SHANK1: variants seen among roughly 807,000 people sequenced by gnomAD.
SHANK1 encodes SH3 and multiple ankyrin repeat domains protein 1.
A neutral mutation model predicts 165.6 loss-of-function variants in SHANK1; 35 were observed. The observed-to-expected ratio is 0.21, with a 90% CI of 0.16 to 0.28. The LOEUF (loss-of-function observed/expected upper bound fraction) is 0.28. Ranked by LOEUF, SHANK1 falls within the 10% of genes least tolerant of loss-of-function variation. SHANK1 has a pLI of 1.00. For missense variants in SHANK1, 2,681 were observed against 3,036.4 expected, an observed-to-expected ratio of 0.88 and a Z score of 2.75; for synonymous variants, 1,428 against 1,384.8, an observed-to-expected ratio of 1.03 and a Z score of -0.69.
At chr19:50,719,102 G>A (rs2089103498) in intron 1 of SHANK1, among the ~76,000 whole-genome samples, 1 of 149,296 alleles carries the variant, frequency 6.7e-6, no homozygotes, top group African/African-American at 2.5e-5. Context: ...GGGGAGGCGG[G>A]TACCAGGACC....
At position 50,662,019 on chromosome 19, in the gene SHANK1, C is replaced by G. The variant is rs561667425; in HGVS notation, c.6432G>C (p.Arg2144Ser). Reference sequence around the variant, plus strand: ...GGTCGATGTTCATGCGGTGGCCCACCCTGGTCACACCTAGATCGACGTAGT... The same window carrying G: ...GGTCGATGTTCATGCGGTGGCCCACGCTGGTCACACCTAGATCGACGTAGT... ...KEDYVDLGVT[R>S]VGHRMNIDRA... Residue 2144 changes from arginine to serine, a missense_variant, in exon 24 of 24, where the codon AGG becomes AGC. Arg to Ser is a moderately radical substitution (Grantham distance 110). Transcript: ENST00000293441. This position sits in a 1 kb window ranked among gnomAD's most constrained non-coding sequence, Gnocchi z 7.7. 1 of 1,614,200 alleles carries G rather than the reference C, an allele frequency of 6.2e-7. No individual in the cohort carries two copies. The highest frequency in any genetic ancestry group is 1.7e-5 in the Admixed American group (1 of 60,024).
chr19:50,711,798 C>T, intron 7 of SHANK1, 149 bp downstream of exon 7: 1 of 957,548 alleles, frequency 1.0e-6, no homozygotes, highest in Non-Finnish European at 1.6e-6. Flanking sequence ...TTTCTGCCTT[C>T]ACCCCCACCA....
rs1361211171 is a variant in SHANK1 at position 50,709,929 on chromosome 19, G to A, written c.1077+1442C>T. On this transcript the variant is annotated intron_variant, in intron 8 of 23. Transcript: ENST00000293441. ...CTCGACTGGACCCTGACTGACACTGGTGATGGTAACAATGACAATTATTAT... is the reference window on the plus strand; with the variant it reads ...CTCGACTGGACCCTGACTGACACTGATGATGGTAACAATGACAATTATTAT... Among the ~76,000 whole-genome samples, 3 of 152,228 alleles carry A rather than the reference G, an allele frequency of 2.0e-5. No homozygotes were observed. In the East Asian group the frequency reaches 5.8e-4, roughly 29 times the overall value.
Position 50,667,583 on chromosome 19 carries a change from C to T in SHANK1, c.4377G>A (p.Leu1459=). The stretch of plus-strand genomic sequence containing the variant: ...CCGGGGGCTCCGTCCCCAGCTGCAG[C>T]AGGAGGGGCCCCACCCCGGGAGCGG... ...PPTAPGVGPL[L]LQLGTEPPAP... The change falls in exon 23 of 24, where the codon CTG becomes CTA. Residue 1459 remains leucine, a synonymous_variant. Coordinates refer to ENST00000293441, the MANE Select transcript of SHANK1 (RefSeq NM_016148.5). This position sits in a 1 kb window ranked among gnomAD's most constrained non-coding sequence, Gnocchi z 5.7. 3 of 1,439,434 alleles carry T rather than the reference C, an allele frequency of 2.1e-6. No homozygotes were observed. The highest frequency in any genetic ancestry group is 2.7e-6 in the Non-Finnish European group (3 of 1,107,890). The allele number at this position is 1,439,434 out of a possible 1,614,324, so 89.2% of individuals were successfully genotyped here. A position where few individuals can be genotyped will look rare whatever the true frequency, so the allele number is the denominator to read the frequency against.
Position 50,667,047 on chromosome 19 carries a change from G to A in SHANK1, c.4913C>T (p.Ala1638Val). Reference protein sequence around the residue: ...DSEVATLTQGASAAPGDPHPP... With the variant: ...DSEVATLTQGVSAAPGDPHPP... ...ATGGGGGTCCCCAGGAGCGGCGGAG[G>A]CCCCCTGGGTCAGGGTGGCCACCTC... Residue 1638 changes from alanine (A) to valine (V), a missense_variant, in exon 23 of 24, where the codon GCC becomes GTC. Physicochemically the swap from Ala to Val is moderately conservative, Grantham distance 64 (BLOSUM62 0). Around this residue, in one of 10 missense-constraint regions of SHANK1, gnomAD observed 1,713 missense variants for 1,630.2 expected, o/e 1.05. Transcript: ENST00000293441. This position sits in a 1 kb window ranked among gnomAD's most constrained non-coding sequence, Gnocchi z 5.7. 6.5e-7 allele frequency: 1 copy of A among 1,547,922 alleles called. No homozygotes were observed. Among genetic ancestry groups the A allele is most frequent in the Non-Finnish European group, 8.7e-7 (1 of 1,151,136 alleles).
chr19:50,699,912 G>A (rs1169643447), intron 12 of SHANK1, among the ~76,000 whole-genome samples: 2 of 137,716 alleles, frequency 1.5e-5, no homozygotes, highest in African/African-American at 2.7e-5. Flanking sequence ...GAGGATTGGA[G>A]GGCTCGGGGC....
intron 23 of SHANK1, among the ~76,000 whole-genome samples, chr19:50,665,346 C>T (rs973789107): frequency 3.9e-5 from 6 of 151,936 alleles, no homozygotes; most frequent in African/African-American, 1.5e-4. Context: ...GGATGAATCA[C>T]CTTAGGTCAG....
Position 50,716,238 on chromosome 19 carries a change from C to A in SHANK1, c.459+37G>T. 1.3e-6 allele frequency: 2 copies of A among 1,596,026 alleles called. No homozygotes were observed. The highest frequency in any genetic ancestry group is 4.5e-5 in the East Asian group (2 of 44,736). The stretch of plus-strand genomic sequence containing the variant: ...GGGGGCAGATGTGTTTTAGGGCATG[C>A]CTTCTCTTATCAGTGAAGGAGTTGG... On this transcript the variant is annotated intron_variant, in intron 3 of 23. Coordinates refer to ENST00000293441, the MANE Select transcript of SHANK1 (RefSeq NM_016148.5). The surrounding 1 kb of genome is among the most constrained non-coding windows in gnomAD (Gnocchi z 8.4).
rs2089114314 is a variant in SHANK1 at position 50,719,624 on chromosome 19, G to GC, written c.-263dup. The stretch of plus-strand genomic sequence containing the variant: ...GGCCGGGCCTGGCCATCCGCAGAGC[G>GC]CCCCCCCTTCCGCCGCGGCCGCCGC... On this transcript the variant is annotated 5_prime_UTR_variant, in exon 1 of 24. Coordinates refer to ENST00000293441, the MANE Select transcript of SHANK1 (RefSeq NM_016148.5). Among the ~76,000 whole-genome samples the GC allele has an allele frequency of 6.8e-6, 1 of 147,430 alleles. No homozygotes were observed. The highest frequency in any genetic ancestry group is 1.5e-5 in the Non-Finnish European group (1 of 66,234).
chr19:50,685,579 C>G (rs1253237957), intron 21 of SHANK1, among the ~76,000 whole-genome samples: 1 of 151,928 alleles, frequency 6.6e-6, no homozygotes, highest in African/African-American at 2.4e-5. Context: ...CAAAAATTAG[C>G]CAGGCATGGT....
At chr19:50,677,799 G>C (rs559827273) in intron 21 of SHANK1, among the ~76,000 whole-genome samples, 1 of 152,290 alleles carries the variant, frequency 6.6e-6, no homozygotes, top group African/African-American at 2.4e-5. Flanking sequence ...TCGCCTGAAG[G>C]CATCCCTGCT....
intron 21 of SHANK1, among the ~76,000 whole-genome samples, chr19:50,685,923 C>A (rs1986317719): frequency 6.6e-6 from 1 of 152,108 alleles, no homozygotes; most frequent in East Asian, 1.9e-4. Context: ...TCCATGACAT[C>A]ATTTTGCCTT....
Position 50,711,182 on chromosome 19 carries a change from TTGGATGGATGGA to T in SHANK1, c.1077+177_1077+188del, listed in dbSNP as rs36023521. 1.6e-4 allele frequency: 90 copies of T among 558,304 alleles called. 1 individual carries two copies. The highest frequency in any genetic ancestry group is 1.4e-3 in the South Asian group (67 of 46,666). The allele number at this position is 558,304 out of a possible 1,614,324, so 34.6% of individuals were successfully genotyped here. A position where few individuals can be genotyped will look rare whatever the true frequency, so the allele number is the denominator to read the frequency against. ...TACAGAGGAGCTCAGTAAATATCTG[TTGGATGGATGGA>T]TGGATGGATGGATGGATGGATGGAG... On this transcript the variant is annotated intron_variant, in intron 8 of 23. Transcript: ENST00000293441.
intron 23 of SHANK1, among the ~76,000 whole-genome samples, chr19:50,665,926 G>A (rs1341765717): frequency 2.0e-5 from 3 of 148,860 alleles, no homozygotes; most frequent in Middle Eastern, 3.2e-3. Context: ...CAGGAGAATC[G>A]CTTGAACCCG....
In SHANK1 at chr19:50,686,880, T is replaced by G; in HGVS notation, c.2390-68A>C. 1 of 1,567,244 alleles carries G rather than the reference T, an allele frequency of 6.4e-7. No individual in the cohort carries two copies. The highest frequency in any genetic ancestry group is 8.7e-7 in the Non-Finnish European group (1 of 1,150,398). On this transcript the variant is annotated intron_variant, in intron 19 of 23. Transcript: ENST00000293441. The surrounding 1 kb of genome is among the most constrained non-coding windows in gnomAD (Gnocchi z 5.7). ...GGCGGGGCGGAGCGGGCTCGGCCTG[T>G]GGGCGTGGCCAGCAGGTGCGGGCCA...
chr19:50,693,957 C>A (rs1986631270), intron 15 of SHANK1, among the ~76,000 whole-genome samples: 1 of 151,706 alleles, frequency 6.6e-6, no homozygotes, highest in Non-Finnish European at 1.5e-5. Context: ...AGGCCAGGCC[C>A]AGGAGGGTGG....
At chr19:50,689,356 C>G (rs567228731) in intron 15 of SHANK1, 77 bp from the exon 16 acceptor site, 2 of 1,086,008 alleles carry the variant, frequency 1.8e-6, no homozygotes, top group Non-Finnish European at 1.4e-6. Context: ...GGCTGTCCCC[C>G]ACCCGGCAAC....
intron 23 of SHANK1, among the ~76,000 whole-genome samples, chr19:50,664,889 G>A (rs556392268): frequency 6.6e-6 from 1 of 152,252 alleles, no homozygotes; most frequent in East Asian, 1.9e-4. Flanking sequence ...TGAGGAGCTA[G>A]GACTACAGGT....
intron 21 of SHANK1, among the ~76,000 whole-genome samples, chr19:50,682,839 T>C (rs1042562497): frequency 2.0e-5 from 3 of 152,200 alleles, no homozygotes; most frequent in Non-Finnish European, 4.4e-5. Flanking sequence ...GTTTGTTTTT[T>C]AGAGACAGGG....
Sources: gnomAD v4.1 joint callset for allele counts (sites outside exome capture counted in the v4.1 genomes callset) on GRCh38, gnomAD v4.1.1 for gene constraint, gnomAD v4.1.1 regional missense constraint, Gnocchi (gnomAD v3.1) non-coding constraint, MANE v1.5 for transcripts, NCBI Gene and HGNC (gene_info 2026-07-23, HGNC 2026-07-21) for gene names.